Variants in FRMD4B observed in about 807,000 individuals in gnomAD.
FRMD4B encodes FERM domain-containing protein 4B.
In FRMD4B, 74 loss-of-function variants were observed where a neutral mutation model predicts 141.5. The observed-to-expected ratio is 0.52, with a 90% CI of 0.43 to 0.63. The LOEUF is 0.63. FRMD4B is among the 30% of genes least tolerant of loss of function. The probability of loss-of-function intolerance (pLI) is 0.00; values close to 1 mark genes in which losing one functional copy is unlikely to be tolerated. For synonymous variants in FRMD4B, 506 were observed against 467.9 expected, an observed-to-expected ratio of 1.08 and a Z score of -1.05; for missense variants, 1,366 against 1,253.4, an observed-to-expected ratio of 1.09 and a Z score of -1.36.
chr3:69,215,911 C>T (rs903710987), intron 11 of FRMD4B, among the ~76,000 whole-genome samples: 4 of 151,548 alleles, frequency 2.6e-5, no homozygotes, highest in Non-Finnish European at 5.9e-5. Context: ...CCCAGCATTT[C>T]GGGAGGCCAA....
At chr3:69,459,496 G>A (rs1027623982) in intron 1 of FRMD4B, among the ~76,000 whole-genome samples, 1 of 152,144 alleles carries the variant, frequency 6.6e-6, no homozygotes, top group Non-Finnish European at 1.5e-5. Context: ...GCCTGTATGT[G>A]CTACCCACTT....
chr3:69,533,423 T>C (rs55925926), intron 1 of FRMD4B, among the ~76,000 whole-genome samples: 36,486 of 152,086 alleles, frequency 0.24, 4,671 homozygotes, highest in African/African-American at 0.31. Flanking sequence ...CAGTTTCCAC[T>C]TCTGCAGAAT....
chr3:69,403,421 C>T (rs762500451), intron 2 of FRMD4B, among the ~76,000 whole-genome samples: 3 of 152,100 alleles, frequency 2.0e-5, no homozygotes, highest in Non-Finnish European at 4.4e-5. Context: ...CAAGGAATGC[C>T]ATGTAACATA....
chr3:69,338,542 T>A (rs116529804), intron 1 of FRMD4B, among the ~76,000 whole-genome samples: 141 of 151,264 alleles, frequency 9.3e-4, no homozygotes, highest in African/African-American at 3.3e-3. Flanking sequence ...ACAACATGAA[T>A]GGAGCTGGAG....
intron 1 of FRMD4B, among the ~76,000 whole-genome samples, chr3:69,355,309 T>C (rs1183911641): frequency 6.6e-6 from 1 of 152,236 alleles, no homozygotes; most frequent in Non-Finnish European, 1.5e-5. Context: ...GAGTAAATTT[T>C]CTAATATTTC....
At chr3:69,314,599 C>T (rs547744826) in intron 1 of FRMD4B, among the ~76,000 whole-genome samples, 13 of 151,170 alleles carry the variant, frequency 8.6e-5, no homozygotes, top group African/African-American at 1.7e-4. Context: ...TTTGGGGGGG[C>T]CAATCAGGGT....
At chr3:69,235,591 G>A (rs2093340595) in intron 7 of FRMD4B, among the ~76,000 whole-genome samples, 1 of 151,816 alleles carries the variant, frequency 6.6e-6, no homozygotes, top group Admixed American at 6.6e-5. Flanking sequence ...CCTGGGAGGC[G>A]GAGGTTGCAG....
chr3:69,175,183 G>A (rs1296563387), intron 22 of FRMD4B, among the ~76,000 whole-genome samples: 1 of 152,148 alleles, frequency 6.6e-6, no homozygotes, highest in African/African-American at 2.4e-5. Context: ...TTTATAAGTT[G>A]TAGTCTGTAT....
chr3:69,229,854 C>T (rs551886714), intron 7 of FRMD4B, among the ~76,000 whole-genome samples: 320 of 152,066 alleles, frequency 2.1e-3, no homozygotes, highest in African/African-American at 7.4e-3. Flanking sequence ...TACAGGTGTA[C>T]GCCACCATGC....
intron 11 of FRMD4B, among the ~76,000 whole-genome samples, chr3:69,214,883 AT>A (rs60270052): frequency 0.97 from 146,556 of 150,466 alleles, 71,449 homozygotes; most frequent in Middle Eastern, 1. Flanking sequence ...ATAATAATGA[AT>A]TTTTTTTTTT....
In FRMD4B at chr3:69,453,793, G is replaced by A. The variant is rs531429259; in HGVS notation, c.-128-21032C>T. ...ATTCTCTAAGGTGAAATGGAGTAAG[G>A]AAATCCATGTAGCCAAGAAAAGTGC... On this transcript the variant is annotated intron_variant, in intron 1 of 5. Coordinates refer to the FRMD4B transcript ENST00000459638. 8.5e-5 allele frequency among the ~76,000 whole-genome samples: 13 copies of A among 152,290 alleles called. No homozygotes were observed. In the South Asian group the frequency reaches 2.7e-3, roughly 32 times the overall value.
chr3:69,362,425 G>T (rs753355642), intron 1 of FRMD4B, among the ~76,000 whole-genome samples: 2 of 152,138 alleles, frequency 1.3e-5, no homozygotes, highest in South Asian at 4.1e-4. Context: ...ATTTCACTGA[G>T]ACACTGGTAA....
intron 5 of FRMD4B, among the ~76,000 whole-genome samples, chr3:69,256,183 G>A (rs1350798809): frequency 6.6e-6 from 1 of 152,178 alleles, no homozygotes; most frequent in Non-Finnish European, 1.5e-5. Flanking sequence ...CCAACAAACA[G>A]TGCAAAGAGC....
intron 2 of FRMD4B, among the ~76,000 whole-genome samples, chr3:69,396,236 G>C (rs1704471341): frequency 6.6e-6 from 1 of 152,192 alleles, no homozygotes; most frequent in South Asian, 2.1e-4. Flanking sequence ...GCTGGGTGTG[G>C]TGGCTCATGC....
intron 17 of FRMD4B, among the ~76,000 whole-genome samples, chr3:69,190,597 G>A (rs2092825077): frequency 6.6e-6 from 1 of 152,076 alleles, no homozygotes; most frequent in Admixed American, 6.6e-5. Context: ...TGGATTTTTA[G>A]TAAAGATCAG....
intron 2 of FRMD4B, among the ~76,000 whole-genome samples, chr3:69,404,996 A>G (rs1485847321): frequency 2.0e-5 from 3 of 152,348 alleles, no homozygotes; most frequent in East Asian, 1.9e-4. Flanking sequence ...TGAGGTGCCA[A>G]CTATACAGGG....
chr3:69,377,816 CTT>C (rs35903288), intron 1 of FRMD4B, among the ~76,000 whole-genome samples: 9 of 145,606 alleles, frequency 6.2e-5, no homozygotes, highest in Admixed American at 6.8e-5. Flanking sequence ...TCTTCTTCTT[CTT>C]TTTTTTTTTT....
At chr3:69,522,396 G>A (rs1700867188) in intron 1 of FRMD4B, among the ~76,000 whole-genome samples, 1 of 152,108 alleles carries the variant, frequency 6.6e-6, no homozygotes, top group African/African-American at 2.4e-5. Context: ...GTTATTATGG[G>A]CAAGCAGTTA....
At chr3:69,203,242 A>G (rs544271665) in intron 11 of FRMD4B, among the ~76,000 whole-genome samples, 12 of 150,886 alleles carry the variant, frequency 8.0e-5, no homozygotes, top group Non-Finnish European at 1.5e-4. Flanking sequence ...TTAAAGAACT[A>G]CAAGAAATCA....
Sources: gnomAD v4.1 joint callset for allele counts (sites outside exome capture counted in the v4.1 genomes callset) on GRCh38, gnomAD v4.1.1 for gene constraint, MANE v1.5 for transcripts, NCBI Gene and HGNC (gene_info 2026-07-23, HGNC 2026-07-21) for gene names.